BNC2: variants seen among roughly 807,000 people sequenced by gnomAD.
BNC2 encodes basonuclin zinc finger protein 2.
BNC2 carries 20 observed loss-of-function variants against 76.3 expected under a neutral mutation model. The ratio of observed to expected loss-of-function variants is 0.26; its 90% CI spans 0.18 to 0.38. BNC2 has a LOEUF of 0.38. Ranked by LOEUF, BNC2 falls within the 10% of genes least tolerant of loss-of-function variation. The probability of loss-of-function intolerance (pLI) is 1.00; values close to 1 mark genes in which losing one functional copy is unlikely to be tolerated. For missense variants in BNC2, 1,382 were observed against 1,399.8 expected, an observed-to-expected ratio of 0.99 and a Z score of 0.20; for synonymous variants, 582 against 514.8, an observed-to-expected ratio of 1.13 and a Z score of -1.77.
intron 4 of BNC2, among the ~76,000 whole-genome samples, chr9:16,577,633 GA>G (rs533974979): frequency 2.0e-5 from 3 of 151,938 alleles, no homozygotes; most frequent in Non-Finnish European, 4.4e-5. Flanking sequence ...ATATAGGCAG[GA>G]AAAAAGCTGG....
chr9:16,545,635 C>CACAGA (rs1341976385), intron 5 of BNC2, among the ~76,000 whole-genome samples: 2 of 152,132 alleles, frequency 1.3e-5, no homozygotes, highest in African/African-American at 4.8e-5. Context: ...ATGAGTGGAG[C>CACAGA]ACAGACCTGT....
rs373117063 is a variant in BNC2 at position 16,437,105 on chromosome 9, A to G, written c.1089T>C (p.Tyr363=). ...AAACTTCGGATTCGCTGCTCTCATT[A>G]TATTCATTCTGAGTTGAAAGGCTGG... ...REPSLSTQNE[Y]NESSESEVSP... The change falls in exon 6 of 7, where the codon TAT becomes TAC. Residue 363 remains tyrosine (Y), a synonymous_variant. Coordinates refer to ENST00000380672, the MANE Select transcript of BNC2 (RefSeq NM_017637.6). The G allele has an allele frequency of 6.2e-7, 1 of 1,614,134 alleles. No homozygotes were observed. Among genetic ancestry groups the G allele is most frequent in the Middle Eastern group, 1.6e-4 (1 of 6,062 alleles).
At chr9:16,693,780 T>G (rs1823254150) in intron 3 of BNC2, among the ~76,000 whole-genome samples, 1 of 152,148 alleles carries the variant, frequency 6.6e-6, no homozygotes, top group South Asian at 2.1e-4. Flanking sequence ...AAAGCCAAAA[T>G]GAGCAAGCAG....
At chr9:16,424,948 G>A (rs1205013434) in intron 6 of BNC2, among the ~76,000 whole-genome samples, 3 of 152,100 alleles carry the variant, frequency 2.0e-5, no homozygotes, top group African/African-American at 7.2e-5. Flanking sequence ...ATACCTTTCT[G>A]TAAAATTAGT....
Position 16,512,395 on chromosome 9 carries a change from G to C in BNC2, c.669+40135C>G, listed in dbSNP as rs538593815. 2.0e-5 allele frequency among the ~76,000 whole-genome samples: 3 copies of C among 152,216 alleles called. No individual in the cohort carries two copies. In the East Asian group the frequency reaches 5.8e-4, roughly 29 times the overall value. On this transcript the variant is annotated intron_variant, in intron 5 of 6. Coordinates refer to ENST00000380672, the MANE Select transcript of BNC2 (RefSeq NM_017637.6). Reference sequence around the variant, plus strand: ...CAATAACTCACAATCAAACTGATGAGAGCTTGTTTCTGCCTCCGTGGCATA... The same window carrying C: ...CAATAACTCACAATCAAACTGATGACAGCTTGTTTCTGCCTCCGTGGCATA...
rs543236872 is a variant in BNC2, at chr9:16,662,630, G to A, written c.330+65167C>T. 7.2e-5 allele frequency among the ~76,000 whole-genome samples: 11 copies of A among 152,298 alleles called. No individual in the cohort carries two copies. The South Asian group carries it at 2.3e-3, about 32-fold the overall frequency. Reference sequence around the variant, plus strand: ...GCATGCCTGTAGTCTCAGCTACTCAGGAGGCTGAGGCAGGAGAATCATTTA... The same window carrying A: ...GCATGCCTGTAGTCTCAGCTACTCAAGAGGCTGAGGCAGGAGAATCATTTA... On this transcript the variant is annotated intron_variant, in intron 3 of 6. Coordinates refer to ENST00000380672, the MANE Select transcript of BNC2 (RefSeq NM_017637.6).
chr9:16,717,048 G>A (rs1047677692), intron 3 of BNC2, among the ~76,000 whole-genome samples: 3 of 152,202 alleles, frequency 2.0e-5, no homozygotes, highest in African/African-American at 7.2e-5. Context: ...GCAGTCTTAG[G>A]TAGGCCTGAA....
intron 5 of BNC2, among the ~76,000 whole-genome samples, chr9:16,472,105 A>G (rs1821837947): frequency 1.3e-5 from 2 of 152,184 alleles, no homozygotes; most frequent in Non-Finnish European, 2.9e-5. Flanking sequence ...GTCTTTATCA[A>G]CAGCATGAAA....
Position 16,870,628 on chromosome 9 carries a change from A to C in BNC2, c.3+18T>G. On this transcript the variant is annotated intron_variant, in intron 1 of 6. Transcript: ENST00000380672. ...GGAAGTCTAGAATAAAAGAGGAAGG[A>C]GGGTGGAAACTTCTTACCATCTCGG... 6.2e-7 allele frequency: 1 copy of C among 1,610,452 alleles called. No individual in the cohort carries two copies. The highest frequency in any genetic ancestry group is 8.5e-7 in the Non-Finnish European group (1 of 1,178,298).
chr9:16,445,257 C>T (rs1426444031), intron 5 of BNC2, among the ~76,000 whole-genome samples: 15 of 152,236 alleles, frequency 9.9e-5, no homozygotes, highest in Admixed American at 3.3e-4. Context: ...TGGGCACTGA[C>T]GGAGGAAGAT....
At chr9:16,782,870 G>A (rs904658445) in intron 1 of BNC2, among the ~76,000 whole-genome samples, 1 of 152,200 alleles carries the variant, frequency 6.6e-6, no homozygotes, top group Non-Finnish European at 1.5e-5. Flanking sequence ...AAAAGTGAAT[G>A]TATTAATGAA....
chr9:16,550,088 T>C (rs1259067384), intron 5 of BNC2, among the ~76,000 whole-genome samples: 2 of 152,168 alleles, frequency 1.3e-5, no homozygotes, highest in African/African-American at 4.8e-5. Flanking sequence ...GATTTATAAA[T>C]TTTAGTTCCT....
At position 16,663,425 on chromosome 9, in the gene BNC2, G is replaced by A. The variant is rs559447719; in HGVS notation, c.330+64372C>T. On this transcript the variant is annotated intron_variant, in intron 3 of 6. Coordinates refer to ENST00000380672, the MANE Select transcript of BNC2 (RefSeq NM_017637.6). ...TTACAGGCGTGAGCTACCATGCCTG[G>A]CCCACTCTGTTTTCAAACTAATACA... 7.2e-5 allele frequency among the ~76,000 whole-genome samples: 11 copies of A among 152,062 alleles called. No homozygotes were observed. In the South Asian group the frequency reaches 1.0e-3, roughly 14 times the overall value.
At chr9:16,659,857 C>G (rs947216858) in intron 3 of BNC2, among the ~76,000 whole-genome samples, 1 of 152,128 alleles carries the variant, frequency 6.6e-6, no homozygotes, top group Non-Finnish European at 1.5e-5. Context: ...CCTTATTATA[C>G]TCCCTATCTT....
At chr9:16,607,699 T>C (rs115285402) in intron 3 of BNC2, among the ~76,000 whole-genome samples, 1 of 152,194 alleles carries the variant, frequency 6.6e-6, no homozygotes, top group Non-Finnish European at 1.5e-5. Flanking sequence ...CAGATGAGGT[T>C]CATTTTAAGT....
chr9:16,538,393 T>C (rs772671523), intron 5 of BNC2, among the ~76,000 whole-genome samples: 1 of 152,128 alleles, frequency 6.6e-6, no homozygotes, highest in African/African-American at 2.4e-5. Context: ...ATATAAAACA[T>C]CTACATTTTA....
intron 5 of BNC2, among the ~76,000 whole-genome samples, chr9:16,520,428 C>T (rs1171839060): frequency 6.6e-6 from 1 of 152,160 alleles, no homozygotes; most frequent in African/African-American, 2.4e-5. Flanking sequence ...AGGAAAGGAA[C>T]TGGTGTAAGA....
chr9:16,844,419 A>T (rs1406579861), intron 1 of BNC2, among the ~76,000 whole-genome samples: 1 of 143,398 alleles, frequency 7.0e-6, no homozygotes, highest in Non-Finnish European at 1.5e-5. Context: ...ACATTCCTTT[A>T]AAAAAAAAAG....
At chr9:16,705,326 T>A (rs1380844206) in intron 3 of BNC2, among the ~76,000 whole-genome samples, 1 of 152,234 alleles carries the variant, frequency 6.6e-6, no homozygotes, top group African/African-American at 2.4e-5. Context: ...ACCGCTTTTT[T>A]GGCCGCGCTG....
Sources: gnomAD v4.1 joint callset for allele counts (sites outside exome capture counted in the v4.1 genomes callset) on GRCh38, gnomAD v4.1.1 for gene constraint, MANE v1.5 for transcripts, NCBI Gene and HGNC (gene_info 2026-07-23, HGNC 2026-07-21) for gene names.